TAS2R1: variants seen among roughly 807,000 people sequenced by gnomAD.
The protein encoded by TAS2R1 is taste 2 receptor member 1, also known as taste receptor type 2 member 1.
For missense variants in TAS2R1, 370 were observed against 353.4 expected (o/e 1.05, Z -0.38); for synonymous variants, 141 against 134.2 (o/e 1.05, Z -0.35).
chr5:9,695,478 T>C (rs1276566813), intron 1 of TAS2R1, among the ~76,000 whole-genome samples: 1 of 152,174 alleles, frequency 6.6e-6, no homozygotes, highest in Admixed American at 6.5e-5. Context: ...TGATGTTCCC[T>C]ACAGAATCCA....
At position 9,666,946 on chromosome 5, in the gene TAS2R1, G is replaced by A. The variant is rs1447667667; in HGVS notation, c.-241-7365C>T. Among the ~76,000 whole-genome samples the A allele has an allele frequency of 2.6e-5, 4 of 151,870 alleles. 1 individual carries two copies. The highest frequency in any genetic ancestry group is 5.9e-5 in the Non-Finnish European group (4 of 67,970). On this transcript the variant is annotated intron_variant, in intron 1 of 2. Coordinates refer to the TAS2R1 transcript ENST00000506620. ...TCAAACACAGAAAAGTAGAGATAGC[G>A]ATATTAACTAAAAAATCAAGCTCAA...
chr5:9,675,562 G>A (rs896950453), intron 1 of TAS2R1, among the ~76,000 whole-genome samples: 3 of 151,590 alleles, frequency 2.0e-5, no homozygotes, highest in Non-Finnish European at 4.4e-5. Flanking sequence ...GACCACAGGT[G>A]TGCACCACCA....
At chr5:9,650,848 C>T (rs1053491009) in intron 2 of TAS2R1, among the ~76,000 whole-genome samples, 3 of 152,228 alleles carry the variant, frequency 2.0e-5, no homozygotes, top group East Asian at 1.9e-4. Flanking sequence ...TATTTTTCTT[C>T]GCTGCTATAT....
At chr5:9,870,052 T>A in the TAS2R1 span, 3 of 152,286 alleles carry the variant, frequency 2.0e-5, no homozygotes, top group African/African-American at 4.8e-5. Flanking sequence ...CCCATCCTTC[T>A]GGAAACATGA....
chr5:9,856,480 G>A, the TAS2R1 span, among the ~76,000 whole-genome samples: 1 of 152,274 alleles, frequency 6.6e-6, no homozygotes, highest in African/African-American at 2.4e-5. Context: ...AAGTTGTTGG[G>A]CCCTGTCTGG....
chr5:9,696,688 G>A (rs187399830), intron 1 of TAS2R1, among the ~76,000 whole-genome samples: 4 of 152,276 alleles, frequency 2.6e-5, no homozygotes, highest in Admixed American at 2.0e-4. Context: ...TTACAGATGA[G>A]ATGAAACAAA....
At chr5:9,821,193 G>A in the TAS2R1 span, among the ~76,000 whole-genome samples, 1 of 152,168 alleles carries the variant, frequency 6.6e-6, no homozygotes, top group African/African-American at 2.4e-5. Context: ...CTTAGAGACT[G>A]AGAATCCCAG....
chr5:9,688,874 G>A (rs189864722), intron 1 of TAS2R1, among the ~76,000 whole-genome samples: 8 of 152,184 alleles, frequency 5.3e-5, no homozygotes, highest in African/African-American at 1.7e-4. Context: ...TGGAGCAGTG[G>A]GAACCCCTCC....
At chr5:9,760,923 G>A in the TAS2R1 span, 4,115 of 152,294 alleles carry the variant, frequency 0.027, 56 homozygotes, top group Non-Finnish European at 0.033. Context: ...CGCCATACCA[G>A]CCTGAACGCA....
At chr5:9,818,626 G>A in the TAS2R1 span, among the ~76,000 whole-genome samples, 32 of 152,168 alleles carry the variant, frequency 2.1e-4, no homozygotes, top group Non-Finnish European at 2.8e-4. Context: ...CTCTCATCCA[G>A]CACAGCATGC....
chr5:9,892,207 T>A, the TAS2R1 span, among the ~76,000 whole-genome samples: 1 of 152,182 alleles, frequency 6.6e-6, no homozygotes, highest in Non-Finnish European at 1.5e-5. Flanking sequence ...TGCCTAGATA[T>A]CAAAGCAGAA....
the TAS2R1 span, among the ~76,000 whole-genome samples, chr5:9,874,827 A>G: frequency 0.91 from 138,882 of 152,092 alleles, 63,521 homozygotes; most frequent in Non-Finnish European, 0.94. Flanking sequence ...ATCTTTGTAG[A>G]CCACATGGTG....
the TAS2R1 span, among the ~76,000 whole-genome samples, chr5:9,847,031 C>A: frequency 6.7e-3 from 1,025 of 152,226 alleles, 8 homozygotes; most frequent in African/African-American, 0.024. Context: ...AAAATGATTC[C>A]CAAAGCTACA....
the TAS2R1 span, among the ~76,000 whole-genome samples, chr5:9,851,328 G>A: frequency 1.3e-5 from 2 of 152,148 alleles, no homozygotes; most frequent in African/African-American, 4.8e-5. Flanking sequence ...AAAGACAGTG[G>A]TGGGAGCAGC....
At chr5:9,768,980 C>A in the TAS2R1 span, among the ~76,000 whole-genome samples, 1 of 152,124 alleles carries the variant, frequency 6.6e-6, no homozygotes, top group Admixed American at 6.5e-5. Context: ...TGACTGTAGT[C>A]ACCCTGTTGT....
chr5:9,840,853 A>ATTTTTTTTTTTTT, the TAS2R1 span, among the ~76,000 whole-genome samples: 1 of 19,600 alleles, frequency 5.1e-5, no homozygotes, highest in African/African-American at 1.3e-4. Context: ...TTATTTATTT[A>ATTTTTTTTTTTTT]TTTATTTTTT....
chr5:9,825,558 T>G, the TAS2R1 span, among the ~76,000 whole-genome samples: 1 of 152,196 alleles, frequency 6.6e-6, no homozygotes, highest in African/African-American at 2.4e-5. Flanking sequence ...GAACTTTCTC[T>G]CAACAACTAG....
chr5:9,730,793 T>C, the TAS2R1 span, among the ~76,000 whole-genome samples: 2 of 152,152 alleles, frequency 1.3e-5, no homozygotes, highest in Admixed American at 6.5e-5. Context: ...TGGGAGGTAA[T>C]TGAATCATGG....
the TAS2R1 span, among the ~76,000 whole-genome samples, chr5:9,770,737 G>C: frequency 8.6e-5 from 13 of 151,968 alleles, no homozygotes; most frequent in African/African-American, 3.1e-4. Flanking sequence ...ACTCATTTTT[G>C]TATGTTACTT....
Sources: allele counts gnomAD v4.1 joint callset (sites outside exome capture counted in the v4.1 genomes callset), GRCh38; gene constraint gnomAD v4.1.1; transcripts MANE v1.5; gene names NCBI Gene and HGNC (gene_info 2026-07-23, HGNC 2026-07-21).